NOL3: variants seen among roughly 807,000 people sequenced by gnomAD.
NOL3 encodes the protein nucleolar protein 3.
In NOL3, 18 loss-of-function variants were observed where a neutral mutation model predicts 19.2. The ratio of observed to expected loss-of-function variants is 0.94; its 90% CI spans 0.65 to 1.39. The LOEUF (loss-of-function observed/expected upper bound fraction) is 1.39. Among genes scored for constraint, NOL3 ranks in the 40% most tolerant of loss-of-function variants. The probability of loss-of-function intolerance (pLI) is 0.00; values close to 1 mark genes in which losing one functional copy is unlikely to be tolerated. For missense variants in NOL3, 290 were observed against 289.5 expected (o/e 1.00, Z -0.01); for synonymous variants, 127 against 137.3 (o/e 0.93, Z 0.52).
chr16:67,174,503 G>A (rs1465844208), intron 2 of NOL3, 39 bp downstream of exon 2: 4 of 1,465,622 alleles, frequency 2.7e-6, no homozygotes, highest in Non-Finnish European at 3.6e-6. Flanking sequence ...GAGCAGGGAC[G>A]GGGCTGGGGC....
intron 2 of NOL3, 45 bp downstream of exon 2, chr16:67,174,509 GGGGCAGACAAAAGGCCCGGGGA>G (rs1185466838): frequency 1.4e-5 from 21 of 1,466,974 alleles, no homozygotes; most frequent in Non-Finnish European, 1.9e-5. Flanking sequence ...GGACGGGGCT[GGGGCAGACAAAAGGCCCGGGGA>G]GGGCAGGGTT....
exon 4 of NOL3, chr16:67,175,296 C>G (rs1597257708): frequency 1.4e-6 from 2 of 1,421,478 alleles, no homozygotes; most frequent in Non-Finnish European, 1.8e-6. Context: ...CGAGCATCAT[C>G]CAGTCCTCAG....
chr16:67,173,609 G>A (rs2031903164), intron 1 of NOL3: 1 of 514,842 alleles, frequency 1.9e-6, no homozygotes, highest in South Asian at 2.3e-5. Flanking sequence ...GTTCTGCAGG[G>A]CCAAAGCAGG....
intron 1 of NOL3, among the ~76,000 whole-genome samples, chr16:67,172,479 C>T (rs1422585396): frequency 1.3e-5 from 2 of 151,294 alleles, no homozygotes; most frequent in Non-Finnish European, 2.9e-5. Flanking sequence ...GAGCGTGGTG[C>T]GGGCACCTGT....
exon 2 of NOL3, chr16:67,174,418 C>G: frequency 6.5e-7 from 1 of 1,528,448 alleles, no homozygotes; most frequent in Non-Finnish European, 8.8e-7. Flanking sequence ...CCCAGCGTAC[C>G]GCGGGCGCGC....
rs1006523855 is a variant in NOL3, at chr16:67,170,867, G to A, written c.-9+293G>A. On this transcript the variant is annotated intron_variant, in intron 1 of 3. Coordinates refer to ENST00000268605, the Ensembl canonical transcript of NOL3. The surrounding 1 kb of genome is among the most constrained non-coding windows in gnomAD (Gnocchi z 5.7). ...TTCCTGGCCAAAGAGCCCGCGCAGCGAGGTGGGGTTGGGGGCTGGGACCCA... is the reference window on the plus strand; with the variant it reads ...TTCCTGGCCAAAGAGCCCGCGCAGCAAGGTGGGGTTGGGGGCTGGGACCCA... Among the ~76,000 whole-genome samples, 1 of 152,224 alleles carries A rather than the reference G, an allele frequency of 6.6e-6. No individual in the cohort carries two copies. Among genetic ancestry groups the A allele is most frequent in the Non-Finnish European group, 1.5e-5 (1 of 68,048 alleles).
chr16:67,174,584 G>T, intron 2 of NOL3, 37 bp from the exon 3 acceptor site: 1 of 1,516,880 alleles, frequency 6.6e-7, no homozygotes. Flanking sequence ...CCGCACAGGG[G>T]TAAATTGAGC....
intron 1 of NOL3, chr16:67,173,834 G>T: frequency 6.5e-7 from 1 of 1,528,070 alleles, no homozygotes; most frequent in Non-Finnish European, 8.8e-7. Flanking sequence ...GTGGAGCTCA[G>T]GACGTCCTGG....
At chr16:67,175,078 G>T in exon 4 of NOL3, 1 of 1,614,244 alleles carries the variant, frequency 6.2e-7, no homozygotes, top group East Asian at 2.2e-5. Flanking sequence ...GACAGGCGGT[G>T]CCCCGCCCAT....
Position 67,174,860 on chromosome 16 carries a change from GCT to G in NOL3, c.536_537del (p.Ala179GlyfsTer120), listed in dbSNP as rs1193628741. ...GCCAGAGCCAGAGCTGGAACCCGAG[GCT>G]GAAGCAGAACCAGAGCCGGAACTGG... On this transcript the variant is annotated frameshift_variant, in exon 3 of 4. Transcript: ENST00000268605. LOFTEE classifies it high-confidence loss of function. 6.2e-7 allele frequency: 1 copy of G among 1,609,732 alleles called. No homozygotes were observed. The highest frequency in any genetic ancestry group is 8.5e-7 in the Non-Finnish European group (1 of 1,177,866).
At chr16:67,173,803 C>T in intron 1 of NOL3, 1 of 1,446,592 alleles carries the variant, frequency 6.9e-7, no homozygotes. Context: ...GGGGTCTGAA[C>T]TCGCCTCGGA....
At chr16:67,172,350 T>C (rs1364811080) in intron 1 of NOL3, among the ~76,000 whole-genome samples, 1 of 151,946 alleles carries the variant, frequency 6.6e-6, no homozygotes, top group Non-Finnish European at 1.5e-5. Context: ...CGGTGGCTCA[T>C]GCCTGTAATC....
intron 1 of NOL3, 40 bp from the exon 2 acceptor site, chr16:67,174,122 G>C: frequency 6.2e-7 from 1 of 1,602,716 alleles, no homozygotes; most frequent in Non-Finnish European, 8.5e-7. Context: ...GCAGCGGGGA[G>C]GGCAACCCCC....
rs2031696809 is a variant in NOL3 at position 67,170,784 on chromosome 16, G to C, written c.-9+210G>C. Among the ~76,000 whole-genome samples, 1 of 150,450 alleles carries C rather than the reference G, an allele frequency of 6.6e-6. No individual in the cohort carries two copies. Among genetic ancestry groups the C allele is most frequent in the South Asian group, 2.1e-4 (1 of 4,796 alleles). ...GGTGGAGGGAGGTAAGGGGCGGGGG[G>C]GGAAAATCCGTGCAGTCGCACATGC... On this transcript the variant is annotated intron_variant, in intron 1 of 3. Coordinates refer to ENST00000268605, the Ensembl canonical transcript of NOL3. The surrounding 1 kb of genome is among the most constrained non-coding windows in gnomAD (Gnocchi z 5.7).
At chr16:67,175,431 A>T in exon 4 of NOL3, 1 of 922,822 alleles carries the variant, frequency 1.1e-6, no homozygotes, top group Non-Finnish European at 1.4e-6. Flanking sequence ...GCCACTTGGC[A>T]GCATATGTAG....
intron 1 of NOL3, chr16:67,171,317 C>T (rs529101971): frequency 6.6e-6 from 1 of 152,340 alleles, no homozygotes; most frequent in Admixed American, 6.5e-5. Context: ...ACCACCAGCC[C>T]TTGGGACACT....
At chr16:67,175,107 T>G in exon 4 of NOL3, 1 of 1,614,114 alleles carries the variant, frequency 6.2e-7, no homozygotes, top group Non-Finnish European at 8.5e-7. Flanking sequence ...GGACCTGGGA[T>G]GCTGCTGGAG....
rs552891865 is a variant in NOL3, at chr16:67,174,826, G to A, written c.501G>A (p.Pro167=). Residue 167 remains proline (P), a synonymous_variant, in exon 3 of 4, where the codon CCG becomes CCA. Coordinates refer to ENST00000268605, the Ensembl canonical transcript of NOL3. Reference sequence around the variant, plus strand: ...CTGAGGCCTCTAAAGAGGCTGAACCGGAGCCGGAGCCAGAGCCAGAGCTGG... The same window carrying A: ...CTGAGGCCTCTAAAGAGGCTGAACCAGAGCCGGAGCCAGAGCCAGAGCTGG... 7 of 1,603,014 alleles carry A rather than the reference G, an allele frequency of 4.4e-6. No individual in the cohort carries two copies. Among genetic ancestry groups the A allele is most frequent in the African/African-American group, 2.7e-5 (2 of 74,814 alleles).
chr16:67,173,958 G>A lies in NOL3; in HGVS notation c.-8-204G>A, dbSNP rs113475662. 1.0e-3 allele frequency: 1,564 copies of A among 1,536,988 alleles called. 16 individuals carry two copies. In the African/African-American group the frequency reaches 0.018, roughly 18 times the overall value. Reference sequence around the variant, plus strand: ...AGGAGCCTGAGGAGGAGACAGGACAGAGCGTCTGGAGAGGCAGGAGGACAC... The same window carrying A: ...AGGAGCCTGAGGAGGAGACAGGACAAAGCGTCTGGAGAGGCAGGAGGACAC... On this transcript the variant is annotated intron_variant, in intron 1 of 3. Transcript: ENST00000268605.
Sources: gnomAD v4.1 joint callset for allele counts (sites outside exome capture counted in the v4.1 genomes callset) on GRCh38, gnomAD v4.1.1 for gene constraint, Gnocchi (gnomAD v3.1) non-coding constraint, MANE v1.5 for transcripts, NCBI Gene and HGNC (gene_info 2026-07-23, HGNC 2026-07-21) for gene names.